Variants in SZT2 observed in about 807,000 individuals in gnomAD.
The protein encoded by SZT2 is KICSTOR complex protein SZT2.
In SZT2, 216 loss-of-function variants were observed where a neutral mutation model predicts 404.2. The ratio of observed to expected loss-of-function variants is 0.53; its 90% CI spans 0.48 to 0.60. The LOEUF is 0.60. Ranked by LOEUF, SZT2 falls within the 20% of genes least tolerant of loss-of-function variation. The probability of loss-of-function intolerance (pLI) is 0.00; values close to 1 mark genes in which losing one functional copy is unlikely to be tolerated. For missense variants in SZT2, 3,857 were observed against 4,459.2 expected, an observed-to-expected ratio of 0.86 and a Z score of 3.85; for synonymous variants, 1,693 against 1,749.9, an observed-to-expected ratio of 0.97 and a Z score of 0.81.
chr1:43,420,706 G>A lies in SZT2; in HGVS notation c.1262-43G>A. 1 of 1,551,436 alleles carries A rather than the reference G, an allele frequency of 6.4e-7. No individual in the cohort carries two copies. The highest frequency in any genetic ancestry group is 8.8e-7 in the Non-Finnish European group (1 of 1,138,404). Reference sequence around the variant, plus strand: ...GATAGAACTCGATCCCAGGCCTAGAGTCCTATGCCTTCTCCTAACTGGCCC... The same window carrying A: ...GATAGAACTCGATCCCAGGCCTAGAATCCTATGCCTTCTCCTAACTGGCCC... On this transcript the variant is annotated intron_variant, in intron 9 of 71. Transcript: ENST00000634258. This position sits in a 1 kb window ranked among gnomAD's most constrained non-coding sequence, Gnocchi z 5.1.
Position 43,442,849 on chromosome 1 carries a change from GA to G in SZT2, c.8184del (p.Val2729TrpfsTer12). On this transcript the variant is annotated frameshift_variant, in exon 59 of 72. Transcript: ENST00000634258. LOFTEE classifies it high-confidence loss of function. The surrounding 1 kb of genome is among the most constrained non-coding windows in gnomAD (Gnocchi z 4.5). ...EPNPFLLPTM[E>X]VETLIRSASP... ...AAACCCATTCCTGCTGCCGACCATG[GA>G]AGTGGAGACCCTCATCCGGAGTGCA... 6.2e-7 allele frequency: 1 copy of G among 1,611,056 alleles called. No homozygotes were observed. Among genetic ancestry groups the G allele is most frequent in the Non-Finnish European group, 8.5e-7 (1 of 1,178,252 alleles).
chr1:43,408,745 T>C (rs978270826), intron 4 of SZT2, among the ~76,000 whole-genome samples: 1 of 152,214 alleles, frequency 6.6e-6, no homozygotes, highest in Non-Finnish European at 1.5e-5. Context: ...TTATTCTAAA[T>C]AATATGAATA....
intron 4 of SZT2, among the ~76,000 whole-genome samples, chr1:43,413,642 T>C (rs920574290): frequency 5.3e-5 from 8 of 152,232 alleles, no homozygotes; most frequent in Admixed American, 3.9e-4. Flanking sequence ...TGAGATCCTG[T>C]CATTTGCAAC....
chr1:43,451,129 C>G lies in SZT2; in HGVS notation c.*649C>G. 3 of 1,068,094 alleles carry G rather than the reference C, an allele frequency of 2.8e-6. No individual in the cohort carries two copies. The highest frequency in any genetic ancestry group is 4.4e-6 in the Non-Finnish European group (3 of 687,164). The allele number at this position is 1,068,094 out of a possible 1,614,324, so 66.2% of individuals were successfully genotyped here. ...GAAGTGTTAGACACTATGTGTCCCA[C>G]CACCCCATTACAGAGACATATGACA... is the stretch of plus-strand genomic sequence containing the variant. On this transcript the variant is annotated 3_prime_UTR_variant, in exon 72 of 72. Coordinates refer to ENST00000634258, the MANE Select transcript of SZT2 (RefSeq NM_001365999.1).
At chr1:43,410,846 G>C (rs1210254647) in intron 4 of SZT2, among the ~76,000 whole-genome samples, 3 of 152,022 alleles carry the variant, frequency 2.0e-5, no homozygotes, top group Non-Finnish European at 4.4e-5. Flanking sequence ...TCAGTGTATG[G>C]CGAGGAACGG....
chr1:43,422,399 G>A (rs1652476731), intron 12 of SZT2, 81 bp from the exon 13 acceptor site: 1 of 1,508,404 alleles, frequency 6.6e-7, no homozygotes, highest in South Asian at 1.3e-5. Context: ...GCAAGGCCTA[G>A]AAGAGAGTGA....
At position 43,451,610 on chromosome 1, in the gene SZT2, G is replaced by A; in HGVS notation, c.*1130G>A. 1 of 1,613,994 alleles carries A rather than the reference G, an allele frequency of 6.2e-7. No individual in the cohort carries two copies. The highest frequency in any genetic ancestry group is 2.2e-5 in the East Asian group (1 of 44,888). On this transcript the variant is annotated 3_prime_UTR_variant, in exon 72 of 72. Transcript: ENST00000634258. The stretch of plus-strand genomic sequence containing the variant: ...CCAGGGCCTGAAGGACAGATGTGGG[G>A]ATTGAAAGGGTGGGAGGGCAAAGGA...
intron 1 of SZT2, among the ~76,000 whole-genome samples, chr1:43,392,768 G>T (rs1299827195): frequency 6.6e-6 from 1 of 152,180 alleles, no homozygotes; most frequent in African/African-American, 2.4e-5. Context: ...TTATCAGAAG[G>T]TAAAGAGATT....
At chr1:43,403,994 G>C in intron 3 of SZT2, 1 of 575,040 alleles carries the variant, frequency 1.7e-6, no homozygotes, top group South Asian at 2.4e-5. Context: ...CTGATTACTC[G>C]AGCTCAGGAG....
Position 43,422,190 on chromosome 1 carries a change from C to T in SZT2, c.1734C>T (p.His578=), listed in dbSNP as rs1170376629. 1.3e-6 allele frequency: 2 copies of T among 1,595,712 alleles called. No homozygotes were observed. Among genetic ancestry groups the T allele is most frequent in the Admixed American group, 1.7e-5 (1 of 59,774 alleles). ...MDANSWQRWL[H]MHRLVLILEH... ...CAAATTCCTGGCAGCGATGGCTGCA[C>T]ATGCATCGCCTGGTGCTAATCCTGG... Residue 578 remains histidine (H), a synonymous_variant, in exon 12 of 72, where the codon CAC becomes CAT. Transcript: ENST00000634258.
intron 62 of SZT2, 186 bp from the exon 63 acceptor site, chr1:43,445,708 G>A (rs970842337): frequency 1.5e-6 from 1 of 653,300 alleles, no homozygotes; most frequent in African/African-American, 1.8e-5. Flanking sequence ...AGCTGCTATG[G>A]AGAGAGCCCA....
At position 43,447,633 on chromosome 1, in the gene SZT2, A is replaced by G. The variant is rs771646582; in HGVS notation, c.9375A>G (p.Pro3125=). 1 of 1,614,208 alleles carries G rather than the reference A, an allele frequency of 6.2e-7. No individual in the cohort carries two copies. The highest frequency in any genetic ancestry group is 8.5e-7 in the Non-Finnish European group (1 of 1,180,038). The part of the protein sequence containing the change: ...ADHASSYHMK[P]LRMARPGGPE... ...ACGCCAGCTCTTACCACATGAAGCC[A>G]TTGCGAATGGCCCGGCCAGGGGGCC... The change falls in exon 67 of 72, where the codon CCA becomes CCG. Residue 3125 remains proline, a synonymous_variant. Coordinates refer to ENST00000634258, the MANE Select transcript of SZT2 (RefSeq NM_001365999.1).
At chr1:43,394,903 A>G (rs1648815764) in intron 1 of SZT2, among the ~76,000 whole-genome samples, 1 of 152,096 alleles carries the variant, frequency 6.6e-6, no homozygotes, top group Non-Finnish European at 1.5e-5. Context: ...AGAAAAGAAA[A>G]AGAAAATATA....
chr1:43,421,420 C>G, intron 11 of SZT2, 117 bp downstream of exon 11: 1 of 1,408,980 alleles, frequency 7.1e-7, no homozygotes, highest in South Asian at 1.4e-5. Context: ...GCACCTAAGC[C>G]AGAAGCCCAA....
intron 36 of SZT2, 100 bp from the exon 37 acceptor site, chr1:43,432,172 C>G: frequency 1.5e-6 from 2 of 1,320,326 alleles, no homozygotes; most frequent in Non-Finnish European, 2.1e-6. Context: ...CCAGCATCTG[C>G]TTTACCAGGT....
Position 43,442,629 on chromosome 1 carries a change from C to T in SZT2, c.8151+11C>T, listed in dbSNP as rs78750047. 7.5e-5 allele frequency: 120 copies of T among 1,590,282 alleles called. 1 individual carries two copies. The East Asian group carries it at 2.0e-3, about 27-fold the overall frequency. On this transcript the variant is annotated intron_variant, in intron 58 of 71. Transcript: ENST00000634258. This position sits in a 1 kb window ranked among gnomAD's most constrained non-coding sequence, Gnocchi z 4.5. The stretch of plus-strand genomic sequence containing the variant: ...GTGCGAGATGAAAAGGTGCCTGCTG[C>T]TCTGGTTCTTCCTATAGTTTTGGCT...
intron 1 of SZT2, 69 bp from the exon 2 acceptor site, chr1:43,403,108 C>G: frequency 6.5e-7 from 1 of 1,546,468 alleles, no homozygotes; most frequent in South Asian, 1.2e-5. Flanking sequence ...ATTATTTGGA[C>G]AGTGATCTGT....
In SZT2 at chr1:43,423,322, T is replaced by C. The variant is rs2153932675; in HGVS notation, c.2255+6T>C. ...CTGGACAAACTGCTCATCAGGTTGG[T>C]ACAGAGGTGTGGAAGGGCGTGGCTT... On this transcript the variant is annotated splice_donor_region_variant and intron_variant, in intron 15 of 71. Transcript: ENST00000634258. The C allele has an allele frequency of 6.5e-7, 1 of 1,527,652 alleles. No individual in the cohort carries two copies. 94.6% of individuals were successfully genotyped at this position (1,527,652 alleles called of 1,614,324 possible). A position where few individuals can be genotyped will look rare whatever the true frequency, so the allele number is the denominator to read the frequency against.
chr1:43,446,137 C>A (rs780749700), intron 63 of SZT2, 42 bp from the exon 64 acceptor site: 7 of 1,610,504 alleles, frequency 4.3e-6, no homozygotes, highest in Non-Finnish European at 5.9e-6. Flanking sequence ...TGATTCGAGG[C>A]TGGTGAGCCC....
Sources: allele counts gnomAD v4.1 joint callset (sites outside exome capture counted in the v4.1 genomes callset), GRCh38; gene constraint gnomAD v4.1.1; non-coding constraint Gnocchi (gnomAD v3.1); transcripts MANE v1.5; gene names NCBI Gene and HGNC (gene_info 2026-07-23, HGNC 2026-07-21).